OTOGL: variants seen among roughly 807,000 people sequenced by gnomAD.
OTOGL encodes the protein otogelin-like protein.
In OTOGL, 285 loss-of-function variants were observed where a neutral mutation model predicts 318.5. The observed-to-expected ratio is 0.89, with a 90% CI of 0.81 to 0.99. The LOEUF (loss-of-function observed/expected upper bound fraction) is 0.99, where lower values mean the gene tolerates loss of function less well. OTOGL is among the 50% of genes least tolerant of loss of function. OTOGL has a pLI of 0.00. For synonymous variants in OTOGL, 987 were observed against 936.5 expected (o/e 1.05, Z -0.99); for missense variants, 2,899 against 2,845.6 (o/e 1.02, Z -0.43).
chr12:80,105,527 G>A (rs770000135), intron 1 of OTOGL, among the ~76,000 whole-genome samples: 1 of 152,084 alleles, frequency 6.6e-6, no homozygotes, highest in Admixed American at 6.5e-5. Flanking sequence ...TATTATTATT[G>A]TTCTTGGGCA....
Position 80,279,017 on chromosome 12 carries a change from T to C in OTOGL, c.2790-11T>C. On this transcript the variant is annotated splice_polypyrimidine_tract_variant and intron_variant, in intron 25 of 58. Coordinates refer to ENST00000547103, the MANE Select transcript of OTOGL (RefSeq NM_001378609.3). ...TTCTTTAGAAAGGTAACTTTTGTTA[T>C]TTTTTAATAGCGTTTGTCGACGAGG... 6.3e-7 allele frequency: 1 copy of C among 1,591,436 alleles called. No homozygotes were observed. Among genetic ancestry groups the C allele is most frequent in the Non-Finnish European group, 8.5e-7 (1 of 1,174,324 alleles).
chr12:80,327,114 G>C (rs983745555), intron 35 of OTOGL, among the ~76,000 whole-genome samples: 1 of 152,116 alleles, frequency 6.6e-6, no homozygotes, highest in African/African-American at 2.4e-5. Context: ...AATTAGAGTT[G>C]GTTGCACCTG....
chr12:80,366,621 C>A lies in OTOGL; in HGVS notation c.6315C>A (p.Cys2105Ter). 7.1e-7 allele frequency: 1 copy of A among 1,410,830 alleles called. No homozygotes were observed. Among genetic ancestry groups the A allele is most frequent in the Non-Finnish European group, 9.3e-7 (1 of 1,075,164 alleles). 87.4% of individuals were successfully genotyped at this position (1,410,830 alleles called of 1,614,324 possible). Residue 2105 changes from cysteine (C) to a stop codon, truncating the protein, a stop_gained, in exon 53 of 59, where the codon TGC (cysteine) becomes TGA (stop). Coordinates refer to ENST00000547103, the MANE Select transcript of OTOGL (RefSeq NM_001378609.3). LOFTEE classifies it high-confidence loss of function. ...IDHNFQSDCG[C>*]IQYLCEKDDV... is the part of the protein sequence containing the mutation. ...ATAACTTCCAGAGTGATTGTGGATGCATACAGTATCTCTGTGGTAACTATG... is the reference window on the plus strand; with the variant it reads ...ATAACTTCCAGAGTGATTGTGGATGAATACAGTATCTCTGTGGTAACTATG...
At chr12:80,315,467 T>TG (rs1175514467) in intron 32 of OTOGL, among the ~76,000 whole-genome samples, 2 of 152,136 alleles carry the variant, frequency 1.3e-5, no homozygotes, top group African/African-American at 2.4e-5. Context: ...ATAGCAGAAT[T>TG]GGAGTCTTTT....
At chr12:80,188,545 A>AAT (rs1565893180) in intron 1 of OTOGL, among the ~76,000 whole-genome samples, 4 of 148,868 alleles carry the variant, frequency 2.7e-5, no homozygotes, top group South Asian at 2.1e-4. Context: ...CTCAAAAAAA[A>AAT]AATAATAATA....
chr12:80,368,143 T>G, intron 54 of OTOGL, 62 bp from the exon 55 acceptor site: 1 of 1,235,642 alleles, frequency 8.1e-7, no homozygotes, highest in Non-Finnish European at 1.1e-6. Context: ...GAAATAACTC[T>G]CCAGAAGTAA....
intron 43 of OTOGL, among the ~76,000 whole-genome samples, chr12:80,339,557 G>A (rs1479980368): frequency 6.6e-6 from 1 of 151,818 alleles, no homozygotes; most frequent in Non-Finnish European, 1.5e-5. Context: ...CATTAATGAA[G>A]CATCAGGCAT....
At chr12:80,142,659 A>G (rs1159343967) in intron 1 of OTOGL, among the ~76,000 whole-genome samples, 2 of 152,118 alleles carry the variant, frequency 1.3e-5, no homozygotes, top group African/African-American at 4.8e-5. Context: ...ACTCTCATTC[A>G]TTTGACGGCC....
chr12:80,347,963 G>T (rs907473017), intron 44 of OTOGL, among the ~76,000 whole-genome samples: 1 of 151,998 alleles, frequency 6.6e-6, no homozygotes, highest in South Asian at 2.1e-4. Flanking sequence ...CTTTTTGATG[G>T]GGTTGTTTGT....
At chr12:80,257,542 C>T (rs1882164192) in intron 17 of OTOGL, among the ~76,000 whole-genome samples, 1 of 152,028 alleles carries the variant, frequency 6.6e-6, no homozygotes, top group African/African-American at 2.4e-5. Flanking sequence ...GGACTTCCTC[C>T]TTCCTTGTGA....
At chr12:80,370,494 C>T in intron 55 of OTOGL, 76 bp from the exon 56 acceptor site, 1 of 1,230,672 alleles carries the variant, frequency 8.1e-7, no homozygotes, top group Non-Finnish European at 1.1e-6. Flanking sequence ...ACTTTTTATT[C>T]AATAGAATAA....
rs1397109794 is a variant in OTOGL at position 80,302,614 on chromosome 12, T to C, written c.3064-20T>C. ...GAGAACTTACTACTCACTTTGTTTA[T>C]TTTCTTTTTTGTTTTTAAGAAACAA... On this transcript the variant is annotated intron_variant, in intron 27 of 58. Coordinates refer to ENST00000547103, the MANE Select transcript of OTOGL (RefSeq NM_001378609.3). 5 of 1,315,800 alleles carry C rather than the reference T, an allele frequency of 3.8e-6. No homozygotes were observed. In the East Asian group the frequency reaches 1.1e-4, roughly 30 times the overall value. 81.5% of individuals were successfully genotyped at this position (1,315,800 alleles called of 1,614,324 possible).
intron 29 of OTOGL, among the ~76,000 whole-genome samples, chr12:80,308,095 G>A (rs111425681): frequency 1.4e-5 from 2 of 145,668 alleles, no homozygotes; most frequent in Non-Finnish European, 3.0e-5. Flanking sequence ...CGGGTGGGGG[G>A]CTGACCCCCC....
At chr12:80,323,680 A>C (rs776176723) in intron 34 of OTOGL, 43 bp from the exon 35 acceptor site, 3 of 1,394,310 alleles carry the variant, frequency 2.2e-6, no homozygotes, top group Non-Finnish European at 3.0e-6. Flanking sequence ...TTTTCAAGCT[A>C]TGTATTAAAT....
In OTOGL at chr12:80,345,024, T is replaced by A. The variant is rs1416537285; in HGVS notation, c.5265+2862T>A. ...TTTATATATTATTATATATTATATT[T>A]TATATATTATAACATATATTATTAT... is the stretch of plus-strand genomic sequence containing the variant. On this transcript the variant is annotated intron_variant, in intron 44 of 58. Transcript: ENST00000547103. 5.4e-5 allele frequency among the ~76,000 whole-genome samples: 5 copies of A among 93,374 alleles called. No homozygotes were observed. The East Asian group carries it at 1.1e-3, about 21-fold the overall frequency. 61.3% of individuals were successfully genotyped at this position (93,374 alleles called of 152,430 possible). A position where few individuals can be genotyped will look rare whatever the true frequency, so the allele number is the denominator to read the frequency against.
At chr12:80,323,314 G>A (rs17249026) in intron 34 of OTOGL, among the ~76,000 whole-genome samples, 8,022 of 152,154 alleles carry the variant, frequency 0.053, 292 homozygotes, top group Middle Eastern at 0.15. Context: ...TAGCATTGTA[G>A]TCAAAGAAGG....
At position 80,336,836 on chromosome 12, in the gene OTOGL, G is replaced by A; in HGVS notation, c.4767+16G>A. ...AAAAAAGCTAGTGAGTATTTGCAAA[G>A]TGTTTAGTACATTCATTCTGTTTAT... On this transcript the variant is annotated intron_variant, in intron 41 of 58. Coordinates refer to ENST00000547103, the MANE Select transcript of OTOGL (RefSeq NM_001378609.3). The A allele has an allele frequency of 6.5e-7, 1 of 1,535,178 alleles. No homozygotes were observed.
intron 1 of OTOGL, among the ~76,000 whole-genome samples, chr12:80,137,707 C>T (rs913533454): frequency 2.0e-5 from 3 of 152,160 alleles, no homozygotes; most frequent in Admixed American, 6.5e-5. Context: ...CTATGTAAGG[C>T]ACTCTTGCCT....
chr12:80,208,146 C>A, intron 1 of OTOGL: 1 of 498,320 alleles, frequency 2.0e-6, no homozygotes, highest in South Asian at 1.5e-5. Context: ...CATGCTTAAG[C>A]TTTTTCCTTT....
Sources: gnomAD v4.1 joint callset for allele counts (sites outside exome capture counted in the v4.1 genomes callset) on GRCh38, gnomAD v4.1.1 for gene constraint, MANE v1.5 for transcripts, NCBI Gene and HGNC (gene_info 2026-07-23, HGNC 2026-07-21) for gene names.